The following PDE8B variants were observed in gnomAD, a reference collection of about 807,000 sequenced individuals.
PDE8B encodes high affinity cAMP-specific and IBMX-insensitive 3',5'-cyclic phosphodiesterase 8B.
A neutral mutation model predicts 101.3 loss-of-function variants in PDE8B; 26 were observed. That is an observed-to-expected ratio of 0.26 (90% confidence interval 0.19 to 0.36). PDE8B has a LOEUF of 0.36. Ranked by LOEUF, PDE8B falls within the 10% of genes least tolerant of loss-of-function variation. The probability of loss-of-function intolerance (pLI) is 1.00; values close to 1 mark genes in which losing one functional copy is unlikely to be tolerated. For synonymous variants in PDE8B, 424 were observed against 429.3 expected (o/e 0.99, Z 0.15); for missense variants, 810 against 1,163.1 (o/e 0.70, Z 4.42).
the PDE8B span, chr5:77,087,596 C>T: frequency 6.6e-6 from 1 of 152,124 alleles, no homozygotes; most frequent in Non-Finnish European, 1.5e-5. Context: ...CATGGTGTAC[C>T]AGCTTTGGCT....
At chr5:77,153,552 C>G in the PDE8B span, among the ~76,000 whole-genome samples, 1 of 151,270 alleles carries the variant, frequency 6.6e-6, no homozygotes, top group Admixed American at 6.6e-5. Context: ...AGCACGTGGG[C>G]CCCTGACTCC....
intron 1 of PDE8B, among the ~76,000 whole-genome samples, chr5:77,276,644 C>A (rs914397210): frequency 6.6e-6 from 1 of 152,194 alleles, no homozygotes; most frequent in African/African-American, 2.4e-5. Context: ...ACTCACAGTG[C>A]TGGACTCAGT....
intron 1 of PDE8B, chr5:77,291,738 AGGT>A: frequency 6.3e-7 from 1 of 1,590,590 alleles, no homozygotes; most frequent in Non-Finnish European, 8.6e-7. Flanking sequence ...GTACATGAGA[AGGT>A]CTACTTGTAC....
At chr5:77,303,365 C>A (rs542528005) in intron 1 of PDE8B, among the ~76,000 whole-genome samples, 3 of 152,012 alleles carry the variant, frequency 2.0e-5, no homozygotes, top group Non-Finnish European at 4.4e-5. Context: ...CACGGTGAAA[C>A]CCCGTCTCTA....
chr5:77,382,596 G>A (rs7702923), intron 10 of PDE8B, among the ~76,000 whole-genome samples: 1 of 141,690 alleles, frequency 7.1e-6, no homozygotes, highest in South Asian at 2.3e-4. Context: ...CCCACCCTCC[G>A]ACAGGCCCCA....
At chr5:77,291,773 T>G (rs1446724357) in intron 1 of PDE8B, 1 of 1,580,094 alleles carries the variant, frequency 6.3e-7, no homozygotes, top group Non-Finnish European at 8.7e-7. Context: ...GTAAAGACTT[T>G]CCTCTGGCCC....
intron 14 of PDE8B, 48 bp from the exon 15 acceptor site, chr5:77,411,628 G>T: frequency 7.0e-7 from 1 of 1,423,770 alleles, no homozygotes. Context: ...AAAAGAGAAT[G>T]ATAATAGATA....
intron 1 of PDE8B, among the ~76,000 whole-genome samples, chr5:77,257,765 T>G (rs1759493893): frequency 6.6e-6 from 1 of 152,096 alleles, no homozygotes; most frequent in Non-Finnish European, 1.5e-5. Context: ...TATCAACCCA[T>G]CCCCTAGTTA....
intron 1 of PDE8B, among the ~76,000 whole-genome samples, chr5:77,280,442 A>G (rs989967103): frequency 1.2e-4 from 18 of 152,380 alleles, no homozygotes; most frequent in African/African-American, 4.3e-4. Context: ...CTGGAAAAAT[A>G]GTTTTTAAAA....
the PDE8B span, among the ~76,000 whole-genome samples, chr5:77,138,137 C>G: frequency 1.3e-5 from 2 of 152,012 alleles, no homozygotes; most frequent in Non-Finnish European, 2.9e-5. Context: ...TAATACAAGT[C>G]CAAGGGCATT....
intron 1 of PDE8B, among the ~76,000 whole-genome samples, chr5:77,279,380 A>C (rs1019867944): frequency 1.3e-5 from 2 of 152,164 alleles, no homozygotes; most frequent in Non-Finnish European, 2.9e-5. Flanking sequence ...GTCCCACTAG[A>C]GTCTATAATG....
chr5:77,396,451 A>T (rs1035503491), intron 10 of PDE8B, among the ~76,000 whole-genome samples: 1 of 152,164 alleles, frequency 6.6e-6, no homozygotes, highest in African/African-American at 2.4e-5. Flanking sequence ...ATTGGTTTGC[A>T]TTTACTTATG....
chr5:77,245,203 T>G (rs569515278), intron 1 of PDE8B, among the ~76,000 whole-genome samples: 10 of 152,328 alleles, frequency 6.6e-5, no homozygotes, highest in Admixed American at 3.3e-4. Flanking sequence ...TTTTAGCTAC[T>G]CTCCATTGGT....
intron 2 of PDE8B, among the ~76,000 whole-genome samples, chr5:77,321,904 T>C (rs1055027700): frequency 2.0e-5 from 3 of 152,218 alleles, no homozygotes; most frequent in Admixed American, 6.5e-5. Flanking sequence ...CTAGGAACAA[T>C]TGGCATTGAA....
intron 1 of PDE8B, chr5:77,291,747 T>C (rs1767400703): frequency 3.2e-6 from 5 of 1,587,272 alleles, no homozygotes; most frequent in Admixed American, 1.7e-5. Flanking sequence ...AAGGTCTACT[T>C]GTACTATCAA....
chr5:77,124,999 T>C, the PDE8B span, among the ~76,000 whole-genome samples: 2,260 of 152,236 alleles, frequency 0.015, 51 homozygotes, highest in African/African-American at 0.052. Context: ...GTTTCACTTT[T>C]GAGGAAAAAG....
upstream of PDE8B, chr5:77,210,667 C>G (rs994136827): frequency 7.1e-6 from 7 of 980,690 alleles, no homozygotes; most frequent in African/African-American, 1.2e-4. This position sits in a 1 kb window ranked among gnomAD's most constrained non-coding sequence, Gnocchi z 4.9. Context: ...GCCGCTGGTG[C>G]GCGCGGGGCG....
chr5:77,351,236 A>C (rs1407181771), intron 9 of PDE8B, 83 bp downstream of exon 9: 1 of 996,176 alleles, frequency 1.0e-6, no homozygotes, highest in Non-Finnish European at 1.6e-6. Flanking sequence ...TGCCAGTATG[A>C]GCCTTACATC....
chr5:77,236,011 T>C (rs140718519), intron 1 of PDE8B, among the ~76,000 whole-genome samples: 1,951 of 152,280 alleles, frequency 0.013, 19 homozygotes, highest in Middle Eastern at 0.02. Flanking sequence ...AAAGTCACGA[T>C]TGACACCCAG....
Sources: allele counts gnomAD v4.1 joint callset (sites outside exome capture counted in the v4.1 genomes callset), GRCh38; gene constraint gnomAD v4.1.1; non-coding constraint Gnocchi (gnomAD v3.1); transcripts MANE v1.5; gene names NCBI Gene and HGNC (gene_info 2026-07-23, HGNC 2026-07-21).